KCNK3: variants seen among roughly 807,000 people sequenced by gnomAD.
The protein encoded by KCNK3 is potassium two pore domain channel subfamily K member 3.
A neutral mutation model predicts 27.3 loss-of-function variants in KCNK3; 9 were observed. The ratio of observed to expected loss-of-function variants is 0.33; its 90% CI spans 0.20 to 0.57. The LOEUF is 0.57. Ranked by LOEUF, KCNK3 falls within the 20% of genes least tolerant of loss-of-function variation. The pLI, the probability that KCNK3 is intolerant of heterozygous loss-of-function variation, is 0.87. For synonymous variants in KCNK3, 278 were observed against 273.8 expected (o/e 1.02, Z -0.15); for missense variants, 391 against 577.7 (o/e 0.68, Z 3.31).
At chr2:26,726,082 T>TAC (rs147849352) in intron 1 of KCNK3, among the ~76,000 whole-genome samples, 63 of 139,942 alleles carry the variant, frequency 4.5e-4, no homozygotes, top group African/African-American at 1.5e-3. Context: ...AAATCATGCA[T>TAC]ACACACACAC....
intron 1 of KCNK3, among the ~76,000 whole-genome samples, chr2:26,694,194 C>A (rs1210485985): frequency 2.0e-5 from 3 of 152,180 alleles, no homozygotes; most frequent in African/African-American, 4.8e-5. Flanking sequence ...CACCTCCAGA[C>A]AAGGAGGGGT....
In KCNK3 at chr2:26,727,822, C is replaced by T. The variant is rs770558129; in HGVS notation, c.439C>T (p.Leu147=). Residue 147 remains leucine (L), a synonymous_variant, in exon 2 of 2, where the codon CTG becomes TTG. Transcript: ENST00000302909. ...RYLLHRAKKG[L]GMRRADVSMA... ...CCTGCTGCACCGCGCCAAGAAGGGGCTGGGCATGCGGCGCGCCGACGTGTC... is the reference window on the plus strand; with the variant it reads ...CCTGCTGCACCGCGCCAAGAAGGGGTTGGGCATGCGGCGCGCCGACGTGTC... The T allele has an allele frequency of 2.5e-6, 4 of 1,611,692 alleles. No homozygotes were observed. The highest frequency in any genetic ancestry group is 2.5e-6 in the Non-Finnish European group (3 of 1,178,116).
At chr2:26,720,053 AG>A (rs1300332946) in intron 1 of KCNK3, among the ~76,000 whole-genome samples, 2 of 152,198 alleles carry the variant, frequency 1.3e-5, no homozygotes, top group Non-Finnish European at 2.9e-5. Flanking sequence ...ACTTGAGATC[AG>A]GAGTTTGAGA....
chr2:26,725,470 C>A (rs1409266478), intron 1 of KCNK3, among the ~76,000 whole-genome samples: 1 of 152,214 alleles, frequency 6.6e-6, no homozygotes, highest in Non-Finnish European at 1.5e-5. Context: ...TCCCTACTTC[C>A]TGTTGAGCCC....
intron 1 of KCNK3, among the ~76,000 whole-genome samples, chr2:26,715,909 T>A (rs1456500771): frequency 1.3e-5 from 2 of 152,238 alleles, no homozygotes; most frequent in Non-Finnish European, 2.9e-5. Context: ...GTGGCCTTTG[T>A]CTGACTGAAA....
In KCNK3 at chr2:26,693,286, G is replaced by A. The variant is rs898698507; in HGVS notation, c.283+128G>A. The A allele has an allele frequency of 5.4e-6, 5 of 926,854 alleles. No individual in the cohort carries two copies. Among genetic ancestry groups the A allele is most frequent in the Admixed American group, 3.8e-5 (1 of 26,578 alleles). 57.4% of individuals were successfully genotyped at this position (926,854 alleles called of 1,614,324 possible). ...GGGCTGGGCGCCGAACCCTGCGCTC[G>A]CAGAAACCCGAGTTCAGCCTGGCGT... On this transcript the variant is annotated intron_variant, in intron 1 of 1. Coordinates refer to ENST00000302909, the MANE Select transcript of KCNK3 (RefSeq NM_002246.3). The surrounding 1 kb of genome is among the most constrained non-coding windows in gnomAD (Gnocchi z 5.5).
chr2:26,705,871 AG>A (rs931420433), intron 1 of KCNK3, among the ~76,000 whole-genome samples: 4 of 148,984 alleles, frequency 2.7e-5, no homozygotes, highest in South Asian at 2.1e-4. Flanking sequence ...GTATGGAGGT[AG>A]GGGGGTGGGG....
intron 1 of KCNK3, among the ~76,000 whole-genome samples, chr2:26,695,796 C>G (rs1558593472): frequency 6.6e-6 from 1 of 152,330 alleles, no homozygotes; most frequent in Admixed American, 6.5e-5. Flanking sequence ...GGGGGAGAGG[C>G]AGACAGAGTG....
At chr2:26,722,157 C>G (rs1015181390) in intron 1 of KCNK3, among the ~76,000 whole-genome samples, 5 of 152,172 alleles carry the variant, frequency 3.3e-5, no homozygotes, top group African/African-American at 1.2e-4. Context: ...CATACATAGC[C>G]CTGAGAAAGC....
intron 1 of KCNK3, among the ~76,000 whole-genome samples, chr2:26,699,518 A>C (rs772959549): frequency 2.0e-5 from 3 of 152,252 alleles, no homozygotes; most frequent in African/African-American, 4.8e-5. Context: ...AATCACCACT[A>C]TAAACAGCTT....
chr2:26,715,002 G>C (rs1663203213), intron 1 of KCNK3, among the ~76,000 whole-genome samples: 1 of 152,238 alleles, frequency 6.6e-6, no homozygotes, highest in African/African-American at 2.4e-5. Context: ...CCACATACCT[G>C]TGTGGCCTTG....
chr2:26,715,073 C>T (rs1447451696), intron 1 of KCNK3, among the ~76,000 whole-genome samples: 4 of 152,200 alleles, frequency 2.6e-5, no homozygotes, highest in African/African-American at 4.8e-5. Context: ...GGGCACCTGC[C>T]TTCTGGCATG....
At chr2:26,707,486 C>G (rs993352267) in intron 1 of KCNK3, among the ~76,000 whole-genome samples, 1 of 152,236 alleles carries the variant, frequency 6.6e-6, no homozygotes, top group African/African-American at 2.4e-5. Context: ...TGCTCATGCA[C>G]CAGCCTTCAA....
At chr2:26,704,932 C>T (rs1198192486) in intron 1 of KCNK3, among the ~76,000 whole-genome samples, 3 of 152,138 alleles carry the variant, frequency 2.0e-5, no homozygotes, top group East Asian at 1.9e-4. Context: ...TCATCCAATC[C>T]TCATGGCTGC....
chr2:26,708,875 C>T lies in KCNK3; in HGVS notation c.283+15717C>T, dbSNP rs543587819. 4.6e-5 allele frequency among the ~76,000 whole-genome samples: 7 copies of T among 152,270 alleles called. No individual in the cohort carries two copies. In the East Asian group the frequency reaches 9.6e-4, roughly 21 times the overall value. ...AGGCCACAGGTCACCAGGCCACCCG[C>T]AGGTCAACCCCTCCAAAGAGAGGAT... On this transcript the variant is annotated intron_variant, in intron 1 of 1. Transcript: ENST00000302909.
intron 1 of KCNK3, among the ~76,000 whole-genome samples, chr2:26,712,233 C>A (rs1403762615): frequency 6.6e-6 from 1 of 152,166 alleles, no homozygotes; most frequent in Non-Finnish European, 1.5e-5. Context: ...GTACTGCCTC[C>A]CTGTCTCCGT....
chr2:26,716,529 G>A (rs577483180), intron 1 of KCNK3, among the ~76,000 whole-genome samples: 54 of 152,218 alleles, frequency 3.5e-4, no homozygotes, highest in African/African-American at 1.3e-3. Context: ...CAGAGAGGGG[G>A]TGACTTTTGA....
chr2:26,712,272 A>G (rs1279070325), intron 1 of KCNK3, among the ~76,000 whole-genome samples: 1 of 152,198 alleles, frequency 6.6e-6, no homozygotes, highest in Middle Eastern at 3.2e-3. Flanking sequence ...GAGGATGGGG[A>G]CAACTGTTTG....
At chr2:26,713,938 T>A (rs1458612782) in intron 1 of KCNK3, among the ~76,000 whole-genome samples, 1 of 150,708 alleles carries the variant, frequency 6.6e-6, no homozygotes, top group Non-Finnish European at 1.5e-5. Flanking sequence ...TATCCAGGCG[T>A]GGTAGTGGGC....
Sources: allele counts gnomAD v4.1 joint callset (sites outside exome capture counted in the v4.1 genomes callset), GRCh38; gene constraint gnomAD v4.1.1; non-coding constraint Gnocchi (gnomAD v3.1); transcripts MANE v1.5; gene names NCBI Gene and HGNC (gene_info 2026-07-23, HGNC 2026-07-21).